Variants in MROH9 observed in about 807,000 individuals in gnomAD.
MROH9 encodes maestro heat-like repeat-containing protein family member 9.
In MROH9, 92 loss-of-function variants were observed where a neutral mutation model predicts 98.2. The observed-to-expected ratio is 0.94, with a 90% CI of 0.79 to 1.11. The LOEUF (loss-of-function observed/expected upper bound fraction) is 1.11. Ranked by LOEUF, MROH9 falls within the 50% of genes most tolerant of loss-of-function variation. The pLI is 0.00. For synonymous variants in MROH9, 397 were observed against 368.9 expected (o/e 1.08, Z -0.87); for missense variants, 1,057 against 1,014.8 (o/e 1.04, Z -0.57).
intron 9 of MROH9, among the ~76,000 whole-genome samples, chr1:170,985,912 TATTGGTGAG>T (rs1651114047): frequency 6.6e-6 from 1 of 152,040 alleles, no homozygotes; most frequent in Admixed American, 6.6e-5. Context: ...GAAAAACCTT[TATTGGTGAG>T]ATTGGGTATC....
chr1:170,970,512 A>T (rs1385146483), intron 7 of MROH9, among the ~76,000 whole-genome samples: 3 of 152,140 alleles, frequency 2.0e-5, no homozygotes, highest in African/African-American at 7.2e-5. Flanking sequence ...CAGAGCTCCT[A>T]TAAGGGGAAG....
chr1:171,060,020 G>A (rs985244032), intron 20 of MROH9, among the ~76,000 whole-genome samples: 15 of 151,220 alleles, frequency 9.9e-5, no homozygotes, highest in African/African-American at 2.9e-4. Flanking sequence ...TTCTCTCTAC[G>A]ATTAAAAAAA....
Position 171,064,515 on chromosome 1 carries a change from CAAATATAG to C in MROH9, c.*180_*187del, listed in dbSNP as rs1204930922. On this transcript the variant is annotated 3_prime_UTR_variant, in exon 22 of 22. Transcript: ENST00000367759. Reference sequence around the variant, plus strand: ...TACTGTTACTTCTTAATTCTCTATTCAAATATAGAAATCTGAGAGAACTAGTGCCTCTG... The same window carrying C: ...TACTGTTACTTCTTAATTCTCTATTCAAATCTGAGAGAACTAGTGCCTCTG... 2 of 582,210 alleles carry C rather than the reference CAAATATAG, an allele frequency of 3.4e-6. No homozygotes were observed. Among genetic ancestry groups the C allele is most frequent in the East Asian group, 6.2e-5 (2 of 32,210 alleles). The allele number at this position is 582,210 out of a possible 1,614,324, so 36.1% of individuals were successfully genotyped here.
chr1:170,970,887 A>G (rs549019285), intron 7 of MROH9, among the ~76,000 whole-genome samples: 24 of 152,238 alleles, frequency 1.6e-4, no homozygotes, highest in African/African-American at 5.5e-4. Context: ...ACCATCAACA[A>G]TTGCTCCAAT....
At chr1:170,959,847 T>A (rs1464527984) in intron 5 of MROH9, among the ~76,000 whole-genome samples, 1 of 152,192 alleles carries the variant, frequency 6.6e-6, no homozygotes, top group Non-Finnish European at 1.5e-5. Context: ...TTAGCAAGAA[T>A]AGGGAGTTTG....
At chr1:171,034,035 C>CA (rs777773406) in intron 20 of MROH9, among the ~76,000 whole-genome samples, 36 of 151,406 alleles carry the variant, frequency 2.4e-4, no homozygotes, top group East Asian at 2.1e-3. Context: ...TGCATTCAGA[C>CA]AAAAAAAATT....
chr1:170,965,035 G>C lies in MROH9; in HGVS notation c.376-116G>C, dbSNP rs1650175912. On this transcript the variant is annotated intron_variant, in intron 6 of 21. Transcript: ENST00000367759. ...TTTTTGAGATAAATGTAGGTTAAGT[G>C]TGAAATAACCAGGAGAATGTAGGAA... 4.8e-6 allele frequency: 3 copies of C among 630,044 alleles called. No homozygotes were observed. In the South Asian group the frequency reaches 6.7e-5, roughly 14 times the overall value. 39.0% of individuals were successfully genotyped at this position (630,044 alleles called of 1,614,324 possible).
rs763561347 is a variant in MROH9, at chr1:170,998,443, T to C, written c.1596+169T>C. ...ATGGGGAGAGGTGTGGAGTTAGATC[T>C]GGGTTATGGAAGAGTTGTCCCTTCA... On this transcript the variant is annotated intron_variant, in intron 15 of 21. Transcript: ENST00000367759. The C allele has an allele frequency of 5.1e-6, 8 of 1,572,304 alleles. No individual in the cohort carries two copies. The Admixed American group carries it at 1.2e-4, about 24-fold the overall frequency.
At chr1:170,942,421 T>C (rs1037791632) in intron 1 of MROH9, among the ~76,000 whole-genome samples, 2 of 150,498 alleles carry the variant, frequency 1.3e-5, no homozygotes, top group African/African-American at 4.9e-5. Flanking sequence ...CCTCAGAGAA[T>C]ACCGATAATT....
chr1:171,047,126 T>C (rs1053178323), intron 20 of MROH9, among the ~76,000 whole-genome samples: 16 of 152,216 alleles, frequency 1.1e-4, no homozygotes, highest in Admixed American at 4.6e-4. Context: ...GGGAGTTTGA[T>C]TGTTAAATGC....
At chr1:170,971,627 T>G in intron 7 of MROH9, 121 bp from the exon 8 acceptor site, 1 of 1,138,094 alleles carries the variant, frequency 8.8e-7, no homozygotes, top group Non-Finnish European at 1.3e-6. Flanking sequence ...ATTACAGATA[T>G]TGTAAACTCT....
intron 15 of MROH9, among the ~76,000 whole-genome samples, chr1:171,012,433 T>C (rs1466765284): frequency 6.6e-6 from 1 of 152,066 alleles, no homozygotes; most frequent in African/African-American, 2.4e-5. Flanking sequence ...CTCCCTATCT[T>C]TCTGTGTACC....
intron 17 of MROH9, among the ~76,000 whole-genome samples, chr1:171,018,542 G>C (rs920140083): frequency 1.4e-4 from 21 of 152,194 alleles, no homozygotes; most frequent in Non-Finnish European, 2.6e-4. Context: ...CATAGAACTG[G>C]ACGGAGGATG....
intron 11 of MROH9, among the ~76,000 whole-genome samples, chr1:170,991,190 C>T (rs559331733): frequency 6.6e-6 from 1 of 152,136 alleles, no homozygotes. Flanking sequence ...TTAATCAAAG[C>T]TGCTACCAGC....
At chr1:170,999,968 A>C (rs1017365997) in intron 15 of MROH9, among the ~76,000 whole-genome samples, 3 of 152,040 alleles carry the variant, frequency 2.0e-5, no homozygotes, top group East Asian at 3.9e-4. Flanking sequence ...TTTGTTGGCC[A>C]TCTGTATATC....
chr1:170,955,743 G>A (rs1649734648), intron 3 of MROH9, among the ~76,000 whole-genome samples: 1 of 152,104 alleles, frequency 6.6e-6, no homozygotes, highest in African/African-American at 2.4e-5. Flanking sequence ...AGATTGTGAA[G>A]ATTTTCTCCC....
rs551135575 is a variant in MROH9 at position 171,008,825 on chromosome 1, T to C, written c.1597-5292T>C. On this transcript the variant is annotated intron_variant, in intron 15 of 21. Coordinates refer to ENST00000367759, the MANE Select transcript of MROH9 (RefSeq NM_001163629.2). ...CTGATGCAGAGTAACTTCCAGGAGA[T>C]GTTGTTAAGTGAAAATAAAACAAGC... Among the ~76,000 whole-genome samples the C allele has an allele frequency of 5.5e-4, 84 of 152,260 alleles. 1 individual carries two copies. In the South Asian group the frequency reaches 0.015, roughly 27 times the overall value.
At chr1:171,046,220 G>T (rs2101863861) in intron 20 of MROH9, among the ~76,000 whole-genome samples, 1 of 152,232 alleles carries the variant, frequency 6.6e-6, no homozygotes, top group South Asian at 2.1e-4. Context: ...AGACTGAACA[G>T]ATCAATTAAC....
Position 171,020,438 on chromosome 1 carries a change from G to A in MROH9, c.1909-3957G>A, listed in dbSNP as rs138786738. Among the ~76,000 whole-genome samples, 1,117 of 152,214 alleles carry A rather than the reference G, an allele frequency of 7.3e-3. 9 individuals carry two copies. Among genetic ancestry groups the A allele is most frequent in the Non-Finnish European group, 0.011 (738 of 68,014 alleles). ...CCATGATCAGGTCAGCTTCATCCCC[G>A]GGACGCAAGCCTGGTTCAACATATA... On this transcript the variant is annotated intron_variant, in intron 17 of 21. Coordinates refer to ENST00000367759, the MANE Select transcript of MROH9 (RefSeq NM_001163629.2).
Sources: gnomAD v4.1 joint callset for allele counts (sites outside exome capture counted in the v4.1 genomes callset) on GRCh38, gnomAD v4.1.1 for gene constraint, MANE v1.5 for transcripts, NCBI Gene and HGNC (gene_info 2026-07-23, HGNC 2026-07-21) for gene names.